CDC123: variants seen among roughly 807,000 people sequenced by gnomAD.
The protein encoded by CDC123 is cell division cycle 123, also known as translation initiation factor eIF2 assembly protein.
CDC123 carries 37 observed loss-of-function variants against 54.4 expected under a neutral mutation model. That is an observed-to-expected ratio of 0.68 (90% CI 0.52 to 0.89). CDC123 has a LOEUF of 0.89. CDC123 is among the 40% of genes least tolerant of loss of function. The pLI, the probability that CDC123 is intolerant of heterozygous loss-of-function variation, is 0.00. For synonymous variants in CDC123, 144 were observed against 136.8 expected (o/e 1.05, Z -0.37); for missense variants, 361 against 412.1 (o/e 0.88, Z 1.07).
chr10:12,208,707 G>A (rs1204849949), intron 2 of CDC123, among the ~76,000 whole-genome samples: 1 of 152,138 alleles, frequency 6.6e-6, no homozygotes, highest in Non-Finnish European at 1.5e-5. Context: ...TGAGTTACTT[G>A]CGCAGGAGGG....
intron 2 of CDC123, among the ~76,000 whole-genome samples, chr10:12,206,629 T>C (rs896565451): frequency 1.2e-4 from 19 of 152,126 alleles, no homozygotes; most frequent in Admixed American, 9.2e-4. Context: ...CTGACCAACA[T>C]GGCGAAACCC....
intron 10 of CDC123, among the ~76,000 whole-genome samples, chr10:12,242,679 C>T (rs988098423): frequency 1.1e-4 from 17 of 152,068 alleles, no homozygotes; most frequent in African/African-American, 3.6e-4. Context: ...TGGTGGCTCA[C>T]ACCTGTAATC....
chr10:12,215,686 A>T, intron 4 of CDC123, 54 bp from the exon 5 acceptor site: 2 of 1,030,198 alleles, frequency 1.9e-6, no homozygotes, highest in Non-Finnish European at 2.9e-6. Context: ...ATCTTGTTTT[A>T]TATATATACT....
chr10:12,246,407 C>G (rs1002888869), intron 11 of CDC123, 130 bp downstream of exon 11: 11 of 987,808 alleles, frequency 1.1e-5, no homozygotes, highest in Non-Finnish European at 1.6e-5. Flanking sequence ...CACAGCTTTA[C>G]TAATAGCTAA....
intron 6 of CDC123, among the ~76,000 whole-genome samples, chr10:12,226,618 G>C (rs556089629): frequency 3.3e-5 from 5 of 151,326 alleles, no homozygotes; most frequent in Non-Finnish European, 7.4e-5. Flanking sequence ...CATCCCAGAC[G>C]GGGCGGCGGG....
chr10:12,202,158 G>T (rs140611938), intron 2 of CDC123, among the ~76,000 whole-genome samples: 1 of 152,238 alleles, frequency 6.6e-6, no homozygotes, highest in Non-Finnish European at 1.5e-5. Flanking sequence ...AAAATGTATA[G>T]GTCTTAAGTG....
chr10:12,215,742 AC>A lies in CDC123; in HGVS notation c.242del (p.Pro81GlnfsTer36). Reference sequence around the variant, plus strand: ...AATGATTTCTTCTCTCTCTGTAGGCACCAGAATTTCCTGAGTTTGCCACTAA... The same window carrying A: ...AATGATTTCTTCTCTCTCTGTAGGCACAGAATTTCCTGAGTTTGCCACTAA... Reference protein sequence around the residue: ...DDENTATLTAPEFPEFATKVQ... With the variant: ...DDENTATLTAXEFPEFATKVQ... On this transcript the variant is annotated frameshift_variant, in exon 5 of 13. Coordinates refer to ENST00000281141, the MANE Select transcript of CDC123 (RefSeq NM_006023.3). LOFTEE classifies it high-confidence loss of function. 1 of 1,604,432 alleles carries A rather than the reference AC, an allele frequency of 6.2e-7. No individual in the cohort carries two copies. Among genetic ancestry groups the A allele is most frequent in the South Asian group, 1.1e-5 (1 of 89,974 alleles).
chr10:12,219,065 T>A (rs1233061517), intron 6 of CDC123, among the ~76,000 whole-genome samples: 1 of 152,208 alleles, frequency 6.6e-6, no homozygotes, highest in East Asian at 1.9e-4. Context: ...CCTGTCCAGT[T>A]GAGTTTGTCC....
chr10:12,230,223 C>T (rs369051547), intron 6 of CDC123, among the ~76,000 whole-genome samples: 20 of 150,794 alleles, frequency 1.3e-4, no homozygotes, highest in South Asian at 6.3e-4. Flanking sequence ...GATGGAGTCT[C>T]GCTCTGTCAC....
chr10:12,198,244 G>A (rs1835392434), intron 1 of CDC123, among the ~76,000 whole-genome samples: 1 of 152,120 alleles, frequency 6.6e-6, no homozygotes, highest in South Asian at 2.1e-4. Context: ...AATTCTTAGC[G>A]GTAGGTGCTC....
At chr10:12,201,476 G>A (rs1835438314) in intron 2 of CDC123, among the ~76,000 whole-genome samples, 1 of 151,784 alleles carries the variant, frequency 6.6e-6, no homozygotes, top group African/African-American at 2.4e-5. Flanking sequence ...AATGTAGTCA[G>A]TTGAAGGGTG....
chr10:12,219,213 T>G (rs746646994), intron 6 of CDC123, among the ~76,000 whole-genome samples: 2 of 152,240 alleles, frequency 1.3e-5, no homozygotes, highest in Non-Finnish European at 2.9e-5. Context: ...GTTGTAGTAT[T>G]ATATTAATTC....
intron 9 of CDC123, among the ~76,000 whole-genome samples, chr10:12,237,782 G>T (rs964680916): frequency 1.3e-5 from 2 of 152,142 alleles, no homozygotes; most frequent in East Asian, 1.9e-4. Flanking sequence ...TGCTAAGTCA[G>T]TTCCCTGTCT....
chr10:12,245,004 C>CACAAAAAACAAAAAACAA (rs1029493329), intron 10 of CDC123: 2 of 152,234 alleles, frequency 1.3e-5, no homozygotes, highest in East Asian at 3.8e-4. Context: ...GTGAGACTCT[C>CACAAAAAACAAAAAACAA]ACAAAAAACA....
chr10:12,221,225 C>T (rs993201807), intron 6 of CDC123, among the ~76,000 whole-genome samples: 15 of 151,870 alleles, frequency 9.9e-5, no homozygotes, highest in Admixed American at 2.0e-4. Flanking sequence ...CATTATTTAA[C>T]GAGGAGCCTG....
chr10:12,199,109 T>C (rs182459461), intron 2 of CDC123, among the ~76,000 whole-genome samples: 2 of 152,320 alleles, frequency 1.3e-5, no homozygotes, highest in East Asian at 3.9e-4. Context: ...TTTTGACGAT[T>C]AAAAATTCAC....
At chr10:12,199,405 T>C (rs548854397) in intron 2 of CDC123, among the ~76,000 whole-genome samples, 1 of 152,346 alleles carries the variant, frequency 6.6e-6, no homozygotes, top group East Asian at 1.9e-4. Flanking sequence ...AGTAACCCTA[T>C]GCCCTGACCT....
At chr10:12,238,333 C>G (rs1836006207) in intron 9 of CDC123, 124 bp from the exon 10 acceptor site, 1 of 1,044,016 alleles carries the variant, frequency 9.6e-7, no homozygotes, top group African/African-American at 1.7e-5. Context: ...GGTTTAGAAG[C>G]ATGAAGTCCT....
intron 7 of CDC123, among the ~76,000 whole-genome samples, chr10:12,231,453 C>A (rs1475486087): frequency 6.6e-6 from 1 of 151,844 alleles, no homozygotes; most frequent in African/African-American, 2.4e-5. Context: ...CGAAACCCCG[C>A]ATCTCTACTA....
Sources: allele counts gnomAD v4.1 joint callset (sites outside exome capture counted in the v4.1 genomes callset), GRCh38; gene constraint gnomAD v4.1.1; transcripts MANE v1.5; gene names NCBI Gene and HGNC (gene_info 2026-07-23, HGNC 2026-07-21).